ASPM: variants seen among roughly 807,000 people sequenced by gnomAD.
ASPM encodes abnormal spindle-like microcephaly-associated protein.
Under a neutral mutation model 366.4 loss-of-function variants are expected in ASPM, and 256 were observed. The ratio of observed to expected loss-of-function variants is 0.70; its 90% CI spans 0.63 to 0.77. ASPM has a LOEUF of 0.77. Ranked by LOEUF, ASPM falls within the 30% of genes least tolerant of loss-of-function variation. The probability of loss-of-function intolerance (pLI) is 0.00; values close to 1 mark genes in which losing one functional copy is unlikely to be tolerated. For missense variants in ASPM, 4,146 were observed against 4,090.4 expected, an observed-to-expected ratio of 1.01 and a Z score of -0.37; for synonymous variants, 1,414 against 1,342.9, an observed-to-expected ratio of 1.05 and a Z score of -1.16.
chr1:197,096,449 C>T (rs1036347435), intron 18 of ASPM, among the ~76,000 whole-genome samples: 7 of 151,904 alleles, frequency 4.6e-5, no homozygotes, highest in Middle Eastern at 3.4e-3. Flanking sequence ...GTAAGACACA[C>T]ATGTCTGAAA....
intron 1 of ASPM, among the ~76,000 whole-genome samples, chr1:197,144,640 T>C (rs187629665): frequency 6.6e-6 from 1 of 152,302 alleles, no homozygotes; most frequent in East Asian, 1.9e-4. Flanking sequence ...GCAGGTATTA[T>C]GATTATGCAC....
rs781482768 is a variant in ASPM, at chr1:197,093,187, T to C, written c.9159A>G (p.Lys3053=). 8 of 1,612,608 alleles carry C rather than the reference T, an allele frequency of 5.0e-6. No homozygotes were observed. In the Admixed American group the frequency reaches 1.3e-4, roughly 27 times the overall value. ...ATTTTTGTATGATCAAAGCAGCAGATTTCTGCCGAAGAAAGACCTGCCTTC... is the reference window on the plus strand; with the variant it reads ...ATTTTTGTATGATCAAAGCAGCAGACTTCTGCCGAAGAAAGACCTGCCTTC... ...YKGRQVFLRQ[K]SAALIIQKYI... is the part of the protein sequence containing the mutation. Residue 3053 remains lysine (K), a synonymous_variant, in exon 21 of 28, where the codon AAA becomes AAG. Transcript: ENST00000367409.
chr1:197,137,606 G>A (rs1360931645), intron 4 of ASPM, among the ~76,000 whole-genome samples: 15 of 152,032 alleles, frequency 9.9e-5, no homozygotes, highest in Admixed American at 7.9e-4. Context: ...TCAGCCTTTC[G>A]AGTAGCAGGG....
chr1:197,101,152 C>G lies in ASPM; in HGVS notation c.8099G>C (p.Arg2700Pro). 1 of 1,612,306 alleles carries G rather than the reference C, an allele frequency of 6.2e-7. No individual in the cohort carries two copies. The highest frequency in any genetic ancestry group is 1.7e-4 in the Middle Eastern group (1 of 6,050). The change falls in exon 18 of 28, where the codon CGA (arginine) becomes CCA (proline). Residue 2700 changes from arginine to proline, a missense_variant. Coordinates refer to ENST00000367409, the MANE Select transcript of ASPM (RefSeq NM_018136.5). ...ATAATCAACTTTGGCCCTGTGCATTCGATAGAATGACTGAATTAGTGTGGC... is the reference window on the plus strand; with the variant it reads ...ATAATCAACTTTGGCCCTGTGCATTGGATAGAATGACTGAATTAGTGTGGC... ...RAATLIQSFY[R>P]MHRAKVDYET...
chr1:197,124,058 A>AT, intron 13 of ASPM, 52 bp downstream of exon 13: 2 of 1,478,204 alleles, frequency 1.4e-6, no homozygotes, highest in Non-Finnish European at 1.9e-6. Context: ...AGTGACTTTC[A>AT]TCAAAATTTA....
chr1:197,101,089 T>A lies in ASPM; in HGVS notation c.8162A>T (p.Tyr2721Phe). ...KKTAIVVIQN[Y>F]YRLYVRVKTE... ...TTTTACTCTAACATACAACCTATAA[T>A]AATTCTGTATAACCACAATTGCAGT... The change falls in exon 18 of 28, where the codon TAT becomes TTT. Residue 2721 changes from tyrosine to phenylalanine, a missense_variant. Around this residue, in one of 3 missense-constraint regions of ASPM, gnomAD observed 3,624 missense variants for 3,591.7 expected, o/e 1.01. Coordinates refer to ENST00000367409, the MANE Select transcript of ASPM (RefSeq NM_018136.5). 6.2e-7 allele frequency: 1 copy of A among 1,611,852 alleles called. No homozygotes were observed. The highest frequency in any genetic ancestry group is 8.5e-7 in the Non-Finnish European group (1 of 1,178,796).
chr1:197,118,231 A>G (rs532855925), intron 16 of ASPM, among the ~76,000 whole-genome samples: 1 of 152,248 alleles, frequency 6.6e-6, no homozygotes, highest in South Asian at 2.1e-4. Context: ...TAAAGATTAG[A>G]CATGTTTGAT....
chr1:197,091,330 C>A (rs535902068), intron 22 of ASPM, among the ~76,000 whole-genome samples: 5 of 152,014 alleles, frequency 3.3e-5, no homozygotes, highest in Non-Finnish European at 5.9e-5. Flanking sequence ...TATCATTCTG[C>A]ATTTTTTTTA....
At chr1:197,127,625 T>C (rs1658129745) in intron 10 of ASPM, among the ~76,000 whole-genome samples, 1 of 152,186 alleles carries the variant, frequency 6.6e-6, no homozygotes, top group Admixed American at 6.5e-5. Context: ...TAAAGGCCAT[T>C]CCTTCTAAGC....
rs374047212 is a variant in ASPM, at chr1:197,103,091, A to T, written c.6160T>A (p.Tyr2054Asn). Residue 2054 changes from tyrosine (Y) to asparagine (N), a missense_variant, in exon 18 of 28, where the codon TAC becomes AAC. This residue lies in a region of ASPM where 3,624 missense variants were observed against 3,591.7 expected (regional missense o/e 1.01). Transcript: ENST00000367409. ...TTCTTTTTGGTTTTGTAAGCTCTGT[A>T]TTTAGACTGTATAGTGACTGCTGCT... ...NKAAVTIQSK[Y>N]RAYKTKKKYA... 1 of 1,612,740 alleles carries T rather than the reference A, an allele frequency of 6.2e-7. No homozygotes were observed. Among genetic ancestry groups the T allele is most frequent in the African/African-American group, 1.3e-5 (1 of 74,944 alleles).
At chr1:197,126,309 T>C (rs1658086911) in intron 10 of ASPM, among the ~76,000 whole-genome samples, 1 of 151,878 alleles carries the variant, frequency 6.6e-6, no homozygotes, top group Non-Finnish European at 1.5e-5. Context: ...GGCATGGTGG[T>C]GCACACCTAT....
intron 13 of ASPM, among the ~76,000 whole-genome samples, chr1:197,122,976 A>G (rs116218145): frequency 0.018 from 2,733 of 152,262 alleles, 27 homozygotes; most frequent in Middle Eastern, 0.027. Flanking sequence ...ATAGAGGAGA[A>G]ATATAAGGTT....
intron 18 of ASPM, among the ~76,000 whole-genome samples, chr1:197,096,601 G>A (rs1656982949): frequency 1.3e-5 from 2 of 151,788 alleles, no homozygotes; most frequent in African/African-American, 2.4e-5. Context: ...TGTTCAGCCT[G>A]CAGGAGAATC....
At chr1:197,090,166 C>T in intron 24 of ASPM, 30 bp downstream of exon 24, 1 of 1,610,044 alleles carries the variant, frequency 6.2e-7, no homozygotes, top group Non-Finnish European at 8.5e-7. Context: ...AGTATTACAT[C>T]ATTCTTTAAA....
At chr1:197,121,036 A>T (rs1456651549) in intron 16 of ASPM, among the ~76,000 whole-genome samples, 1 of 152,172 alleles carries the variant, frequency 6.6e-6, no homozygotes, top group Admixed American at 6.6e-5. Context: ...TTTATCACAG[A>T]TGCATTATAT....
chr1:197,146,558 T>A lies in ASPM; in HGVS notation c.-121A>T. 9.4e-7 allele frequency: 1 copy of A among 1,062,378 alleles called. No homozygotes were observed. The allele number at this position is 1,062,378 out of a possible 1,614,324, so 65.8% of individuals were successfully genotyped here. A position where few individuals can be genotyped will look rare whatever the true frequency, so the allele number is the denominator to read the frequency against. On this transcript the variant is annotated 5_prime_UTR_variant, in exon 1 of 28. Coordinates refer to ENST00000367409, the MANE Select transcript of ASPM (RefSeq NM_018136.5). The stretch of plus-strand genomic sequence containing the variant: ...GGGGCGGCTGTAGAGGTCGTGGGAG[T>A]GAATTCGGCCCTTTTTCTTTTCCAC...
rs1388514465 is a variant in ASPM, at chr1:197,088,261, C to T, written c.10156G>A (p.Ala3386Thr). The T allele has an allele frequency of 6.2e-7, 1 of 1,612,794 alleles. No individual in the cohort carries two copies. Among genetic ancestry groups the T allele is most frequent in the East Asian group, 2.2e-5 (1 of 44,788 alleles). The change falls in exon 26 of 28, where the codon GCC becomes ACC. Residue 3386 changes from alanine to threonine, a missense_variant. Around this residue, in one of 3 missense-constraint regions of ASPM, gnomAD observed 3,624 missense variants for 3,591.7 expected, o/e 1.01. Transcript: ENST00000367409. ...LAILLKTTNR[A>T]SDVRSRSKVV... ...GGCAACTGACTAATACTTACAGAGG[C>T]TCTATTTGTTGTCTTCAGTAAAATA...
chr1:197,086,078 T>C (rs1558320473), intron 27 of ASPM, among the ~76,000 whole-genome samples: 1 of 152,170 alleles, frequency 6.6e-6, no homozygotes, highest in Admixed American at 6.6e-5. Context: ...GAAATATGCA[T>C]GCATAAAACC....
chr1:197,088,241 C>G lies in ASPM; in HGVS notation c.10161+15G>C, dbSNP rs370944668. 10 of 1,609,846 alleles carry G rather than the reference C, an allele frequency of 6.2e-6. No homozygotes were observed. In the African/African-American group the frequency reaches 1.3e-4, roughly 22 times the overall value. ...GAAAAATAATCTTAAAGAAAGGCAA[C>G]TGACTAATACTTACAGAGGCTCTAT... is the stretch of plus-strand genomic sequence containing the variant. On this transcript the variant is annotated intron_variant, in intron 26 of 27. Transcript: ENST00000367409.
Sources: gnomAD v4.1 joint callset for allele counts (sites outside exome capture counted in the v4.1 genomes callset) on GRCh38, gnomAD v4.1.1 for gene constraint, gnomAD v4.1.1 regional missense constraint, MANE v1.5 for transcripts, NCBI Gene and HGNC (gene_info 2026-07-23, HGNC 2026-07-21) for gene names.